Variants in PCDH15 observed in about 807,000 individuals in gnomAD.
The protein encoded by PCDH15 is protocadherin-15.
A neutral mutation model predicts 178.5 loss-of-function variants in PCDH15; 129 were observed. The observed-to-expected ratio is 0.72, with a 90% CI of 0.63 to 0.84. PCDH15 has a LOEUF of 0.84. PCDH15 is among the 40% of genes least tolerant of loss of function. The pLI, the probability that PCDH15 is intolerant of heterozygous loss-of-function variation, is 0.00. For synonymous variants in PCDH15, 800 were observed against 732.0 expected (o/e 1.09, Z -1.50); for missense variants, 2,230 against 2,099.9 (o/e 1.06, Z -1.21).
chr10:54,448,369 T>C (rs1266977507), intron 3 of PCDH15, among the ~76,000 whole-genome samples: 1 of 151,700 alleles, frequency 6.6e-6, no homozygotes, highest in Admixed American at 6.6e-5. Flanking sequence ...AATCATTCCT[T>C]AGATGACTGA....
chr10:54,843,296 A>T (rs1953450683), intron 3 of PCDH15, among the ~76,000 whole-genome samples: 1 of 152,110 alleles, frequency 6.6e-6, no homozygotes, highest in African/African-American at 2.4e-5. Context: ...TGAGCCAAAC[A>T]AAGGTACCTC....
chr10:54,646,061 A>T (rs2094123720), intron 2 of PCDH15, among the ~76,000 whole-genome samples: 1 of 152,116 alleles, frequency 6.6e-6, no homozygotes, highest in Admixed American at 6.6e-5. Flanking sequence ...TTATATTCAC[A>T]CACTACATGT....
intron 8 of PCDH15, among the ~76,000 whole-genome samples, chr10:54,251,497 T>C (rs965988438): frequency 5.9e-5 from 9 of 152,202 alleles, no homozygotes; most frequent in African/African-American, 2.2e-4. Context: ...AGTTCGTCTG[T>C]AGTCTGGAAG....
chr10:54,919,450 C>A (rs1837427493), intron 2 of PCDH15, among the ~76,000 whole-genome samples: 1 of 152,154 alleles, frequency 6.6e-6, no homozygotes, highest in South Asian at 2.1e-4. Flanking sequence ...TCTTTAGGAA[C>A]AATTTCAAGC....
Position 54,102,355 on chromosome 10 carries a change from G to T in PCDH15, c.1918-12292C>A, listed in dbSNP as rs142389903. 3.8e-4 allele frequency among the ~76,000 whole-genome samples: 58 copies of T among 152,306 alleles called. No individual in the cohort carries two copies. The East Asian group carries it at 9.5e-3, about 25-fold the overall frequency. On this transcript the variant is annotated intron_variant, in intron 15 of 37. Coordinates refer to ENST00000644397, the MANE Select transcript of PCDH15 (RefSeq NM_001384140.1). Reference sequence around the variant, plus strand: ...CTTATGGACAGGAATGGAGAAAAAGGCATTTGCCAAGTCAATGGCTGTATA... The same window carrying T: ...CTTATGGACAGGAATGGAGAAAAAGTCATTTGCCAAGTCAATGGCTGTATA...
At chr10:55,208,787 G>T (rs1181481319) in intron 1 of PCDH15, among the ~76,000 whole-genome samples, 1 of 151,862 alleles carries the variant, frequency 6.6e-6, no homozygotes, top group Non-Finnish European at 1.5e-5. Context: ...AAAATGAATT[G>T]TTTAAAACCT....
chr10:55,148,901 T>G (rs896173815), intron 2 of PCDH15, among the ~76,000 whole-genome samples: 1 of 149,952 alleles, frequency 6.7e-6, no homozygotes, highest in African/African-American at 2.4e-5. Context: ...AAATTGAAAC[T>G]CCAATAAAGT....
intron 25 of PCDH15, among the ~76,000 whole-genome samples, chr10:53,934,372 A>G (rs1054280921): frequency 2.0e-5 from 3 of 152,080 alleles, no homozygotes; most frequent in Non-Finnish European, 1.5e-5. Context: ...ACCTAGAGAA[A>G]CTAAGATGAG....
chr10:55,191,584 C>G (rs978030959), intron 1 of PCDH15, among the ~76,000 whole-genome samples: 5 of 151,792 alleles, frequency 3.3e-5, no homozygotes, highest in African/African-American at 4.8e-5. Flanking sequence ...TATTTAATCT[C>G]TTTTAACATG....
In PCDH15 at chr10:54,221,264, C is replaced by T. The variant is rs139887210; in HGVS notation, c.986-7216G>A. On this transcript the variant is annotated intron_variant, in intron 9 of 37. Coordinates refer to ENST00000644397, the MANE Select transcript of PCDH15 (RefSeq NM_001384140.1). ...TTTTATATATGCTAAGAAAATTCTA[C>T]GTTTTTCACTTTTTCAGTATTATAG... Among the ~76,000 whole-genome samples the T allele has an allele frequency of 7.2e-5, 11 of 152,124 alleles. No homozygotes were observed. In the East Asian group the frequency reaches 1.9e-3, roughly 27 times the overall value.
chr10:55,285,120 C>A (rs951818523), intron 1 of PCDH15, among the ~76,000 whole-genome samples: 1 of 148,202 alleles, frequency 6.7e-6, no homozygotes, highest in African/African-American at 2.5e-5. Context: ...ATGGTAAATA[C>A]AAGTTTACCA....
chr10:55,623,377 G>A (rs946818698), intron 2 of PCDH15, among the ~76,000 whole-genome samples: 2 of 152,004 alleles, frequency 1.3e-5, no homozygotes, highest in African/African-American at 4.8e-5. Context: ...CAGGGGAGAC[G>A]TGTGTTAAGA....
intron 2 of PCDH15, among the ~76,000 whole-genome samples, chr10:55,153,781 A>G (rs1414149560): frequency 6.6e-6 from 1 of 152,174 alleles, no homozygotes; most frequent in Non-Finnish European, 1.5e-5. Context: ...AAGAACATGA[A>G]TGTCTAGGTT....
intron 1 of PCDH15, among the ~76,000 whole-genome samples, chr10:54,667,688 C>T (rs116447674): frequency 0.011 from 1,644 of 151,978 alleles, 29 homozygotes; most frequent in African/African-American, 0.037. Flanking sequence ...CCATGTTCCC[C>T]GAGTATATAT....
chr10:55,051,501 TTAAAAG>T (rs1841160188), intron 2 of PCDH15, among the ~76,000 whole-genome samples: 1 of 152,186 alleles, frequency 6.6e-6, no homozygotes, highest in African/African-American at 2.4e-5. Flanking sequence ...AAAGTATAAA[TTAAAAG>T]TAAATCTTTC....
At position 54,999,738 on chromosome 10, in the gene PCDH15, C is replaced by A. The variant is rs146064453; in HGVS notation, c.-79-102238G>T. Reference sequence around the variant, plus strand: ...TCAGCCAGATATCGGGCGAAATTCACCCCCGATATTTCACGTAGGTTCTTT... The same window carrying A: ...TCAGCCAGATATCGGGCGAAATTCAACCCCGATATTTCACGTAGGTTCTTT... On this transcript the variant is annotated intron_variant, in intron 2 of 5. Coordinates refer to the PCDH15 transcript ENST00000458638. Among the ~76,000 whole-genome samples, 1,120 of 152,290 alleles carry A rather than the reference C, an allele frequency of 7.4e-3. 16 individuals carry two copies. The highest frequency in any genetic ancestry group is 0.024 in the African/African-American group (980 of 41,564).
intron 1 of PCDH15, among the ~76,000 whole-genome samples, chr10:54,729,439 TA>T (rs1943039563): frequency 6.6e-6 from 1 of 151,440 alleles, no homozygotes; most frequent in Non-Finnish European, 1.5e-5. Flanking sequence ...ATGAAAAACT[TA>T]AAACTATGAA....
intron 1 of PCDH15, among the ~76,000 whole-genome samples, chr10:54,752,753 G>A (rs1946523710): frequency 6.6e-6 from 1 of 151,174 alleles, no homozygotes; most frequent in Admixed American, 6.6e-5. Context: ...ATTTCCTGCT[G>A]GTTTATCAGC....
intron 2 of PCDH15, among the ~76,000 whole-genome samples, chr10:55,131,583 A>G (rs1838046444): frequency 6.6e-6 from 1 of 152,138 alleles, no homozygotes; most frequent in Non-Finnish European, 1.5e-5. Flanking sequence ...CTGGAGCATG[A>G]GCAAGGTGAA....
Sources: gnomAD v4.1 joint callset for allele counts (sites outside exome capture counted in the v4.1 genomes callset) on GRCh38, gnomAD v4.1.1 for gene constraint, MANE v1.5 for transcripts, NCBI Gene and HGNC (gene_info 2026-07-23, HGNC 2026-07-21) for gene names.